CHD9: variants seen among roughly 807,000 people sequenced by gnomAD.
CHD9 encodes the protein ATP-dependent chromatin remodeler CHD9.
A neutral mutation model predicts 316.1 loss-of-function variants in CHD9; 77 were observed. The observed-to-expected ratio is 0.24, with a 90% CI of 0.20 to 0.29. The LOEUF (loss-of-function observed/expected upper bound fraction) is 0.29. Ranked by LOEUF, CHD9 falls within the 10% of genes least tolerant of loss-of-function variation. The probability of loss-of-function intolerance (pLI) is 1.00; values close to 1 mark genes in which losing one functional copy is unlikely to be tolerated. For missense variants in CHD9, 2,763 were observed against 3,438.1 expected (o/e 0.80, Z 4.91); for synonymous variants, 1,129 against 1,158.3 (o/e 0.97, Z 0.51).
At chr16:53,080,564 G>C (rs997063888) in intron 1 of CHD9, among the ~76,000 whole-genome samples, 1 of 152,168 alleles carries the variant, frequency 6.6e-6, no homozygotes. Flanking sequence ...AACACAACGA[G>C]GGGGAAGAGC....
At chr16:53,277,821 C>T (rs1463383940) in intron 24 of CHD9, among the ~76,000 whole-genome samples, 1 of 152,104 alleles carries the variant, frequency 6.6e-6, no homozygotes, top group Non-Finnish European at 1.5e-5. Flanking sequence ...CAAATTGTTG[C>T]TGTTTGCTGA....
intron 2 of CHD9, among the ~76,000 whole-genome samples, chr16:53,168,200 T>A (rs1051072981): frequency 6.6e-6 from 1 of 152,050 alleles, no homozygotes; most frequent in East Asian, 1.9e-4. Context: ...TAGCTGGAAC[T>A]ACAGGCGCCT....
intron 24 of CHD9, 87 bp from the exon 25 acceptor site, chr16:53,285,509 A>G (rs1359040145): frequency 3.3e-6 from 2 of 612,464 alleles, no homozygotes; most frequent in Admixed American, 6.5e-5. Context: ...CTTGAAAGCC[A>G]CAGTGCTTTA....
intron 37 of CHD9, 146 bp from the exon 38 acceptor site, chr16:53,321,380 C>T: frequency 1.5e-6 from 2 of 1,366,718 alleles, no homozygotes; most frequent in Non-Finnish European, 9.4e-7. Context: ...CACGGTGGGC[C>T]TTTTTAATAT....
intron 30 of CHD9, among the ~76,000 whole-genome samples, chr16:53,297,375 A>G (rs559748097): frequency 6.6e-6 from 1 of 152,336 alleles, no homozygotes; most frequent in South Asian, 2.1e-4. Flanking sequence ...GTATACACTG[A>G]GTCTTAAGAA....
At chr16:53,164,586 A>G (rs540277914) in intron 2 of CHD9, among the ~76,000 whole-genome samples, 14 of 152,134 alleles carry the variant, frequency 9.2e-5, no homozygotes, top group Non-Finnish European at 2.1e-4. Context: ...CTCAAAAAAC[A>G]AAAAACAACC....
At chr16:53,290,971 C>T (rs2054284259) in intron 27 of CHD9, among the ~76,000 whole-genome samples, 1 of 152,094 alleles carries the variant, frequency 6.6e-6, no homozygotes, top group Non-Finnish European at 1.5e-5. Context: ...GAAGAGATAG[C>T]AGCTGAGAAT....
In CHD9 at chr16:53,082,771, C is replaced by T. The variant is rs534832746; in HGVS notation, c.-165+27694C>T. On this transcript the variant is annotated intron_variant, in intron 1 of 38. Coordinates refer to ENST00000447540, the MANE Select transcript of CHD9 (RefSeq NM_001308319.2). Reference sequence around the variant, plus strand: ...CACTTGGCTCTGCCTGAAGCATTCTCTTTGCTTTTTACCCGTCCAATTCCA... The same window carrying T: ...CACTTGGCTCTGCCTGAAGCATTCTTTTTGCTTTTTACCCGTCCAATTCCA... 1.9e-3 allele frequency among the ~76,000 whole-genome samples: 291 copies of T among 152,316 alleles called. 1 individual carries two copies. Among genetic ancestry groups the T allele is most frequent in the Non-Finnish European group, 3.4e-3 (231 of 68,040 alleles).
intron 1 of CHD9, among the ~76,000 whole-genome samples, chr16:53,077,267 T>TGA (rs2034615468): frequency 6.6e-6 from 1 of 151,876 alleles, no homozygotes; most frequent in Admixed American, 6.6e-5. Context: ...GGATCACAGG[T>TGA]GAGAGCCACT....
At chr16:53,291,701 C>A in intron 27 of CHD9, 24 bp from the exon 28 acceptor site, 1 of 1,531,010 alleles carries the variant, frequency 6.5e-7, no homozygotes, top group Non-Finnish European at 8.8e-7. Flanking sequence ...TACCCTGTGA[C>A]AAGTTTCTAT....
intron 1 of CHD9, among the ~76,000 whole-genome samples, chr16:53,094,919 G>T (rs559821091): frequency 6.6e-6 from 1 of 152,178 alleles, no homozygotes; most frequent in African/African-American, 2.4e-5. Flanking sequence ...GATTACAGGC[G>T]TGAGCCACCG....
Position 53,245,050 on chromosome 16 carries a change from A to G in CHD9, c.3055-286A>G, listed in dbSNP as rs541065500. Among the ~76,000 whole-genome samples, 114 of 152,226 alleles carry G rather than the reference A, an allele frequency of 7.5e-4. No homozygotes were observed. Among genetic ancestry groups the G allele is most frequent in the African/African-American group, 2.7e-3 (112 of 41,536 alleles). ...AGGATCCCTTAAGCCCAGGAGTTCAAGGTTACAGTGGCACCACTGTAATTT... is the reference window on the plus strand; with the variant it reads ...AGGATCCCTTAAGCCCAGGAGTTCAGGGTTACAGTGGCACCACTGTAATTT... On this transcript the variant is annotated intron_variant, in intron 13 of 38. Transcript: ENST00000447540. The surrounding 1 kb of genome is among the most constrained non-coding windows in gnomAD (Gnocchi z 4.1).
chr16:53,209,646 G>C lies in CHD9; in HGVS notation c.1617G>C (p.Glu539Asp). The C allele has an allele frequency of 6.2e-7, 1 of 1,613,914 alleles. No homozygotes were observed. The highest frequency in any genetic ancestry group is 8.5e-7 in the Non-Finnish European group (1 of 1,179,836). ...IISEAIAKAK[E>D]RGERNIPRVM... ...CAGAGGCCATAGCAAAAGCAAAGGAGCGTGGGGAACGCAATATTCCACGAG... is the reference window on the plus strand; with the variant it reads ...CAGAGGCCATAGCAAAAGCAAAGGACCGTGGGGAACGCAATATTCCACGAG... The change falls in exon 3 of 39, where the codon GAG becomes GAC. Residue 539 changes from glutamate to aspartate, a missense_variant. Glu to Asp is a conservative substitution (Grantham distance 45). Coordinates refer to ENST00000447540, the MANE Select transcript of CHD9 (RefSeq NM_001308319.2).
intron 17 of CHD9, 48 bp downstream of exon 17, chr16:53,250,114 A>G (rs761413736): frequency 2.9e-6 from 4 of 1,370,114 alleles, no homozygotes; most frequent in Non-Finnish European, 4.0e-6. Flanking sequence ...TAAAAAAGTA[A>G]AATTGTGTAA....
intron 2 of CHD9, among the ~76,000 whole-genome samples, chr16:53,200,443 G>C (rs1485626670): frequency 2.0e-5 from 3 of 151,960 alleles, no homozygotes; most frequent in Non-Finnish European, 4.4e-5. Context: ...CCGCTACTTG[G>C]GAGGCTGAGG....
intron 27 of CHD9, among the ~76,000 whole-genome samples, chr16:53,290,832 T>G (rs185947673): frequency 5.3e-5 from 8 of 152,062 alleles, no homozygotes; most frequent in African/African-American, 2.4e-5. Context: ...GAGACTGAAA[T>G]CAATAACCAC....
At chr16:53,282,162 C>G (rs2053473515) in intron 24 of CHD9, among the ~76,000 whole-genome samples, 1 of 152,056 alleles carries the variant, frequency 6.6e-6, no homozygotes, top group Admixed American at 6.6e-5. Context: ...CCTTTTCCTT[C>G]TCATTTGGAT....
intron 2 of CHD9, among the ~76,000 whole-genome samples, chr16:53,164,676 CAG>C (rs1303843806): frequency 6.6e-6 from 1 of 151,068 alleles, no homozygotes; most frequent in East Asian, 1.9e-4. Flanking sequence ...GTTTTTGAGA[CAG>C]AGTCTTGCTC....
At chr16:53,322,401 A>G (rs951311003) in intron 38 of CHD9, among the ~76,000 whole-genome samples, 1 of 150,906 alleles carries the variant, frequency 6.6e-6, no homozygotes, top group Admixed American at 6.6e-5. Context: ...TGAGGTCAGG[A>G]GTTCGAGACC....
Sources: gnomAD v4.1 joint callset for allele counts (sites outside exome capture counted in the v4.1 genomes callset) on GRCh38, gnomAD v4.1.1 for gene constraint, Gnocchi (gnomAD v3.1) non-coding constraint, MANE v1.5 for transcripts, NCBI Gene and HGNC (gene_info 2026-07-23, HGNC 2026-07-21) for gene names.